The following AGBL4 variants were observed in gnomAD, a reference collection of about 807,000 sequenced individuals.
The protein encoded by AGBL4 is cytosolic carboxypeptidase 6.
In AGBL4, 58 loss-of-function variants were observed where a neutral mutation model predicts 66.4. The ratio of observed to expected loss-of-function variants is 0.87; its 90% confidence interval spans 0.71 to 1.09. The LOEUF (loss-of-function observed/expected upper bound fraction) is 1.09. Among genes scored for constraint, AGBL4 ranks in the 50% least tolerant of loss-of-function variants. The probability of loss-of-function intolerance (pLI) is 0.00; values close to 1 mark genes in which losing one functional copy is unlikely to be tolerated. For missense variants in AGBL4, 579 were observed against 631.0 expected, an observed-to-expected ratio of 0.92 and a Z score of 0.88; for synonymous variants, 234 against 222.9, an observed-to-expected ratio of 1.05 and a Z score of -0.44.
At chr1:49,666,337 G>C (rs1365870839) in intron 3 of AGBL4, among the ~76,000 whole-genome samples, 1 of 152,128 alleles carries the variant, frequency 6.6e-6, no homozygotes, top group African/African-American at 2.4e-5. Flanking sequence ...GGCCCAAGCG[G>C]GTGGATCATT....
At chr1:49,872,899 T>C (rs952519821) in intron 1 of AGBL4, among the ~76,000 whole-genome samples, 3 of 152,108 alleles carry the variant, frequency 2.0e-5, no homozygotes, top group Non-Finnish European at 4.4e-5. Flanking sequence ...TTTCAATTTT[T>C]ATTATTTTCT....
chr1:49,473,809 G>T (rs1274122057), intron 3 of AGBL4, among the ~76,000 whole-genome samples: 1 of 151,976 alleles, frequency 6.6e-6, no homozygotes, highest in African/African-American at 2.4e-5. Flanking sequence ...ATTTTTGTAT[G>T]TAGTGAAAGG....
intron 2 of AGBL4, among the ~76,000 whole-genome samples, chr1:49,774,682 C>A (rs1259690703): frequency 6.6e-6 from 1 of 152,156 alleles, no homozygotes; most frequent in Non-Finnish European, 1.5e-5. Flanking sequence ...TGAAGAAATT[C>A]TGCAATAATA....
intron 9 of AGBL4, among the ~76,000 whole-genome samples, chr1:48,632,169 A>AGCTT (rs1645604405): frequency 6.6e-6 from 1 of 152,188 alleles, no homozygotes; most frequent in Admixed American, 6.5e-5. Context: ...ATTCCAGGCC[A>AGCTT]GCTTGACTCC....
At chr1:50,023,693 T>A in intron 1 of AGBL4, 70 bp downstream of exon 1, 1 of 1,498,178 alleles carries the variant, frequency 6.7e-7, no homozygotes, top group Non-Finnish European at 8.9e-7. Context: ...CATGCCCGAG[T>A]CCCCTGTTGC....
intron 3 of AGBL4, among the ~76,000 whole-genome samples, chr1:49,686,376 A>G (rs1172094132): frequency 6.6e-6 from 1 of 152,224 alleles, no homozygotes; most frequent in Non-Finnish European, 1.5e-5. Context: ...GAACAATGCC[A>G]TTGGCCTAGT....
At chr1:48,672,621 G>A (rs1646294605) in intron 6 of AGBL4, among the ~76,000 whole-genome samples, 1 of 152,164 alleles carries the variant, frequency 6.6e-6, no homozygotes, top group African/African-American at 2.4e-5. Flanking sequence ...TTGCCATGCA[G>A]TTCCAGTGGG....
At chr1:49,682,855 C>T (rs1646721659) in intron 3 of AGBL4, among the ~76,000 whole-genome samples, 1 of 152,224 alleles carries the variant, frequency 6.6e-6, no homozygotes, top group South Asian at 2.1e-4. Flanking sequence ...ATTTTACCCT[C>T]ATAGTCTCAG....
rs1644285803 is a variant in AGBL4, at chr1:49,368,701, C to A, written c.283-122837G>T. On this transcript the variant is annotated intron_variant, in intron 3 of 13. Coordinates refer to ENST00000371839, the MANE Select transcript of AGBL4 (RefSeq NM_032785.4). ...AAAGCAATCTGTGGGTTCTTTTAGTCAGTCTAATATTTTTATGTTGCTATG... is the reference window on the plus strand; with the variant it reads ...AAAGCAATCTGTGGGTTCTTTTAGTAAGTCTAATATTTTTATGTTGCTATG... 2.6e-5 allele frequency among the ~76,000 whole-genome samples: 4 copies of A among 152,120 alleles called. No homozygotes were observed. In the South Asian group the frequency reaches 8.3e-4, roughly 32 times the overall value.
intron 6 of AGBL4, among the ~76,000 whole-genome samples, chr1:48,726,807 T>C (rs1647303491): frequency 6.6e-6 from 1 of 152,220 alleles, no homozygotes. Context: ...GAGTAACAGT[T>C]GCCAACATTT....
intron 4 of AGBL4, among the ~76,000 whole-genome samples, chr1:49,245,257 TACACAC>T (rs139244286): frequency 0.037 from 5,181 of 138,864 alleles, 161 homozygotes; most frequent in African/African-American, 0.086. Context: ...AACTTTAAAA[TACACAC>T]ACACACACAC....
At position 49,507,379 on chromosome 1, in the gene AGBL4, G is replaced by C. The variant is rs1648794705; in HGVS notation, c.282+189934C>G. Among the ~76,000 whole-genome samples the C allele has an allele frequency of 1.3e-5, 2 of 152,048 alleles. 1 individual carries two copies. The highest frequency in any genetic ancestry group is 1.3e-4 in the Admixed American group (2 of 15,254). ...TCCAGCTGAACCTAGTCAATCTCAT[G>C]AACAGACTCATGAGAGACAGTAAAA... On this transcript the variant is annotated intron_variant, in intron 3 of 13. Coordinates refer to ENST00000371839, the MANE Select transcript of AGBL4 (RefSeq NM_032785.4).
intron 2 of AGBL4, among the ~76,000 whole-genome samples, chr1:49,713,998 C>T (rs867557594): frequency 6.6e-6 from 1 of 152,016 alleles, no homozygotes; most frequent in African/African-American, 2.4e-5. Context: ...CTCCTAACTG[C>T]ACTCTCTAAA....
chr1:49,947,999 A>AATATATATTTATATATAT (rs1557607515), intron 1 of AGBL4, among the ~76,000 whole-genome samples: 2 of 33,196 alleles, frequency 6.0e-5, no homozygotes, highest in Non-Finnish European at 6.5e-5. Context: ...TATATATATA[A>AATATATATTTATATATAT]ATATATATAA....
At chr1:48,686,745 G>T (rs1646538872) in intron 6 of AGBL4, among the ~76,000 whole-genome samples, 1 of 152,188 alleles carries the variant, frequency 6.6e-6, no homozygotes, top group South Asian at 2.1e-4. Flanking sequence ...TGGATCAGTT[G>T]CTTGATCTTG....
intron 5 of AGBL4, among the ~76,000 whole-genome samples, chr1:48,889,603 T>G (rs1650717688): frequency 6.6e-6 from 1 of 152,210 alleles, no homozygotes; most frequent in Admixed American, 6.5e-5. Context: ...TCTATGACAC[T>G]GGAAGGGAGT....
At chr1:49,985,154 T>C (rs1334017288) in intron 1 of AGBL4, among the ~76,000 whole-genome samples, 1 of 152,184 alleles carries the variant, frequency 6.6e-6, no homozygotes, top group Non-Finnish European at 1.5e-5. Flanking sequence ...GTAATGAGCA[T>C]AGTATCCAAC....
At chr1:48,933,886 C>T (rs1655240771) in intron 5 of AGBL4, among the ~76,000 whole-genome samples, 1 of 152,210 alleles carries the variant, frequency 6.6e-6, no homozygotes, top group South Asian at 2.1e-4. Flanking sequence ...TTTGCTTAAG[C>T]TCTGCCCTGT....
rs577077062 is a variant in AGBL4 at position 49,505,122 on chromosome 1, C to G, written c.282+192191G>C. On this transcript the variant is annotated intron_variant, in intron 3 of 13. Transcript: ENST00000371839. ...ACTCTAGTCACATGAAATAACTACA[C>G]TTTCACTCCAACTCCCATTTTATGT... Among the ~76,000 whole-genome samples, 11 of 152,124 alleles carry G rather than the reference C, an allele frequency of 7.2e-5. No homozygotes were observed. The East Asian group carries it at 1.7e-3, about 24-fold the overall frequency.
Sources: allele counts gnomAD v4.1 joint callset (sites outside exome capture counted in the v4.1 genomes callset), GRCh38; gene constraint gnomAD v4.1.1; transcripts MANE v1.5; gene names NCBI Gene and HGNC (gene_info 2026-07-23, HGNC 2026-07-21).